VWA3B: variants seen among roughly 807,000 people sequenced by gnomAD.
The protein encoded by VWA3B is von Willebrand factor A domain containing 3B, also known as von Willebrand factor A domain-containing protein 3B.
A neutral mutation model predicts 158.3 loss-of-function variants in VWA3B; 138 were observed. That is an observed-to-expected ratio of 0.87 (90% confidence interval 0.76 to 1.00). The LOEUF is 1.00. VWA3B is among the 50% of genes least tolerant of loss of function. The pLI is 0.00. For synonymous variants in VWA3B, 596 were observed against 587.3 expected (o/e 1.01, Z -0.21); for missense variants, 1,555 against 1,565.1 (o/e 0.99, Z 0.11).
intron 7 of VWA3B, among the ~76,000 whole-genome samples, chr2:98,135,704 CTG>C (rs893237671): frequency 3.9e-5 from 6 of 152,200 alleles, no homozygotes; most frequent in African/African-American, 1.4e-4. Flanking sequence ...GTGATCACAT[CTG>C]AATTTGGAGG....
chr2:98,196,793 T>G (rs1232763234), intron 12 of VWA3B, among the ~76,000 whole-genome samples: 3 of 152,236 alleles, frequency 2.0e-5, no homozygotes, highest in Non-Finnish European at 4.4e-5. Flanking sequence ...AATACACATT[T>G]CTGCTGCCCA....
chr2:98,225,588 C>T (rs967758810), intron 14 of VWA3B, among the ~76,000 whole-genome samples: 1 of 151,784 alleles, frequency 6.6e-6, no homozygotes, highest in African/African-American at 2.4e-5. Context: ...ACTGGAAGTT[C>T]TAACCATGGG....
intron 11 of VWA3B, among the ~76,000 whole-genome samples, chr2:98,194,117 T>C (rs1051064970): frequency 6.6e-6 from 1 of 152,200 alleles, no homozygotes; most frequent in Admixed American, 6.5e-5. Flanking sequence ...TACATATACG[T>C]GACATATATA....
chr2:98,151,459 A>G (rs1442124630), intron 7 of VWA3B, among the ~76,000 whole-genome samples: 3 of 152,150 alleles, frequency 2.0e-5, no homozygotes, highest in Non-Finnish European at 2.9e-5. Context: ...GAGGCCCGCT[A>G]TGTGCCACAT....
chr2:98,273,749 A>G (rs1019874773), intron 22 of VWA3B, among the ~76,000 whole-genome samples: 1 of 152,206 alleles, frequency 6.6e-6, no homozygotes, highest in Non-Finnish European at 1.5e-5. Flanking sequence ...AGGATGACAG[A>G]CCATGGCCAG....
Position 98,217,865 on chromosome 2 carries a change from AC to A in VWA3B, c.1858del (p.Gln620ArgfsTer26), listed in dbSNP as rs1684160328. The stretch of plus-strand genomic sequence containing the variant: ...TTTCAGCCACCTGAAACAGTTATAG[AC>A]CAGGTCAAACGTTTTCAGGAAATTC... ...RPDQPPETVI[D>X]QVKRFQEIPI... On this transcript the variant is annotated frameshift_variant, in exon 14 of 28. Coordinates refer to ENST00000477737, the MANE Select transcript of VWA3B (RefSeq NM_144992.5). LOFTEE classifies it high-confidence loss of function. The A allele has an allele frequency of 1.9e-6, 3 of 1,607,380 alleles. No homozygotes were observed. The highest frequency in any genetic ancestry group is 1.7e-5 in the Admixed American group (1 of 59,324).
At chr2:98,260,537 T>C (rs1687415603) in intron 21 of VWA3B, among the ~76,000 whole-genome samples, 1 of 151,840 alleles carries the variant, frequency 6.6e-6, no homozygotes, top group South Asian at 2.1e-4. Context: ...TACAGAAAGA[T>C]GTGTGTAGGT....
At chr2:98,179,299 G>A in intron 8 of VWA3B, 1 of 471,134 alleles carries the variant, frequency 2.1e-6, no homozygotes, top group Non-Finnish European at 4.4e-6. Context: ...TGTGTGATAT[G>A]CTGGCTTGTC....
intron 2 of VWA3B, among the ~76,000 whole-genome samples, chr2:98,104,600 G>A (rs893314882): frequency 1.3e-5 from 2 of 152,070 alleles, no homozygotes; most frequent in Non-Finnish European, 2.9e-5. Flanking sequence ...TAGGTTTAGA[G>A]GTCAAATATC....
rs1171984388 is a variant in VWA3B at position 98,219,428 on chromosome 2, AAAAAAC to A, written c.2019+1416_2019+1421del. ...CACAGAAGAAAGAGAATTCAAATAAAAAAAACAAAAACAAAAACAAAGAAACAAACC... is the reference window on the plus strand; with the variant it reads ...CACAGAAGAAAGAGAATTCAAATAAAAAAAACAAAAACAAAGAAACAAACC... On this transcript the variant is annotated intron_variant, in intron 14 of 27. Coordinates refer to ENST00000477737, the MANE Select transcript of VWA3B (RefSeq NM_144992.5). 6.6e-5 allele frequency among the ~76,000 whole-genome samples: 10 copies of A among 152,352 alleles called. No individual in the cohort carries two copies. In the South Asian group the frequency reaches 8.3e-4, roughly 13 times the overall value.
At chr2:98,153,057 C>T (rs1350205125) in intron 7 of VWA3B, among the ~76,000 whole-genome samples, 1 of 152,182 alleles carries the variant, frequency 6.6e-6, no homozygotes, top group East Asian at 1.9e-4. Context: ...CTACCCCACC[C>T]ACGACAGGCG....
At chr2:98,269,564 T>C (rs1334115085) in intron 21 of VWA3B, 1 of 152,202 alleles carries the variant, frequency 6.6e-6, no homozygotes, top group Non-Finnish European at 1.5e-5. Flanking sequence ...CACTCTCTTC[T>C]CCAAAGGAGG....
chr2:98,312,459 G>T lies in VWA3B; in HGVS notation c.*110G>T, dbSNP rs957689291. On this transcript the variant is annotated 3_prime_UTR_variant, in exon 28 of 28. Transcript: ENST00000477737. ...CCGCGGAGGTAAGGCCGCCCTCCGC[G>T]CCGCCTATGCCTGCCCTGTCTGTAG... is the stretch of plus-strand genomic sequence containing the variant. 1 of 1,349,094 alleles carries T rather than the reference G, an allele frequency of 7.4e-7. No homozygotes were observed. Among genetic ancestry groups the T allele is most frequent in the Non-Finnish European group, 9.9e-7 (1 of 1,007,330 alleles). 83.6% of individuals were successfully genotyped at this position (1,349,094 alleles called of 1,614,324 possible). A position where few individuals can be genotyped will look rare whatever the true frequency, so the allele number is the denominator to read the frequency against.
chr2:98,270,844 G>A lies in VWA3B; in HGVS notation c.3006G>A (p.Glu1002=), dbSNP rs532490652. The A allele has an allele frequency of 5.0e-6, 8 of 1,614,082 alleles. No homozygotes were observed. In the East Asian group the frequency reaches 1.1e-4, roughly 22 times the overall value. ...TCCAGCAGGCCATGGAACTCCAGGA[G>A]GCTGCCAAGAAGAATTATGCAAACA... ...MYIQQAMELQ[E]AAKKNYANKA... Residue 1002 remains glutamate (E), a synonymous_variant, in exon 22 of 28, where the codon GAG becomes GAA. Coordinates refer to ENST00000477737, the MANE Select transcript of VWA3B (RefSeq NM_144992.5).
chr2:98,192,516 G>A (rs977408342), intron 10 of VWA3B, among the ~76,000 whole-genome samples: 3 of 152,260 alleles, frequency 2.0e-5, no homozygotes, highest in Admixed American at 1.3e-4. Context: ...GCAGGAACAG[G>A]CCATTTTCAC....
chr2:98,154,152 G>A (rs941327872), intron 7 of VWA3B, among the ~76,000 whole-genome samples: 2 of 152,144 alleles, frequency 1.3e-5, no homozygotes, highest in Admixed American at 6.5e-5. Flanking sequence ...GTGAGCCACC[G>A]CGCCCAGCAG....
rs539996554 is a variant in VWA3B, at chr2:98,227,404, A to T, written c.2020-798A>T. 2.5e-4 allele frequency among the ~76,000 whole-genome samples: 38 copies of T among 152,356 alleles called. 1 individual carries two copies. The South Asian group carries it at 7.7e-3, about 31-fold the overall frequency. On this transcript the variant is annotated intron_variant, in intron 14 of 27. Coordinates refer to ENST00000477737, the MANE Select transcript of VWA3B (RefSeq NM_144992.5). ...TCATTCTACTCCTAGATATTTATTC[A>T]GGAGGAATGAAAGCCGACGTCCATG... is the stretch of plus-strand genomic sequence containing the variant.
At chr2:98,294,213 A>C (rs1689662882) in intron 23 of VWA3B, among the ~76,000 whole-genome samples, 1 of 151,242 alleles carries the variant, frequency 6.6e-6, no homozygotes, top group Admixed American at 6.6e-5. Context: ...CAAAAAAAAA[A>C]AAAAAAAAAA....
At chr2:98,088,819 T>A (rs1682056588) in intron 1 of VWA3B, among the ~76,000 whole-genome samples, 1 of 152,048 alleles carries the variant, frequency 6.6e-6, no homozygotes, top group African/African-American at 2.4e-5. Flanking sequence ...AGTGGTGCAA[T>A]CTTGGCTTAC....
Sources: gnomAD v4.1 joint callset for allele counts (sites outside exome capture counted in the v4.1 genomes callset) on GRCh38, gnomAD v4.1.1 for gene constraint, MANE v1.5 for transcripts, NCBI Gene and HGNC (gene_info 2026-07-23, HGNC 2026-07-21) for gene names.